Variants in ME3 observed in about 807,000 individuals in gnomAD.
ME3 encodes malic enzyme 3.
A neutral mutation model predicts 68.9 loss-of-function variants in ME3; 48 were observed. The ratio of observed to expected loss-of-function variants is 0.70; its 90% CI spans 0.55 to 0.89. The LOEUF is 0.89. Ranked by LOEUF, ME3 falls within the 40% of genes least tolerant of loss-of-function variation. ME3 has a pLI of 0.00. For missense variants in ME3, 675 were observed against 797.4 expected (o/e 0.85, Z 1.85); for synonymous variants, 320 against 318.8 (o/e 1.00, Z -0.04).
At chr11:86,582,739 C>T (rs978597880) in intron 2 of ME3, among the ~76,000 whole-genome samples, 2 of 151,966 alleles carry the variant, frequency 1.3e-5, no homozygotes, top group Admixed American at 1.3e-4. Flanking sequence ...TGGTCCGACA[C>T]TGTTGTAGTG....
chr11:86,603,951 G>C (rs1219318036), intron 2 of ME3, among the ~76,000 whole-genome samples: 9 of 105,194 alleles, frequency 8.6e-5, no homozygotes, highest in Non-Finnish European at 1.1e-4. Context: ...GTTGTGGGGT[G>C]GGGGGAGGGG....
chr11:86,580,169 G>A (rs1958355030), intron 2 of ME3, among the ~76,000 whole-genome samples: 1 of 152,104 alleles, frequency 6.6e-6, no homozygotes. Context: ...TTGATTTCCG[G>A]AAAGGTCACT....
At chr11:86,646,162 A>T (rs1210942588) in intron 2 of ME3, among the ~76,000 whole-genome samples, 1 of 152,084 alleles carries the variant, frequency 6.6e-6, no homozygotes, top group Admixed American at 6.5e-5. Context: ...AAAGATCACA[A>T]CTCTTTGCCA....
At position 86,490,389 on chromosome 11, in the gene ME3, G is replaced by A. The variant is rs142882485; in HGVS notation, c.706-2949C>T. 8.7e-3 allele frequency among the ~76,000 whole-genome samples: 1,323 copies of A among 152,170 alleles called. 13 individuals are homozygous for A. The highest frequency in any genetic ancestry group is 0.02 in the South Asian group (95 of 4,816). ...GTGTGCGTGTGTGTGTCAGTAGGGG[G>A]GACCTAAAGGGTGAAAGTGGTGCAT... On this transcript the variant is annotated intron_variant, in intron 6 of 14. Coordinates refer to ENST00000543262, the Ensembl canonical transcript of ME3.
intron 2 of ME3, among the ~76,000 whole-genome samples, chr11:86,598,894 T>G (rs1267027392): frequency 6.6e-6 from 1 of 152,166 alleles, no homozygotes; most frequent in Non-Finnish European, 1.5e-5. Flanking sequence ...GAGGGTCCTG[T>G]CTGTTAGAAG....
chr11:86,538,625 T>C (rs525764), intron 4 of ME3, among the ~76,000 whole-genome samples: 12,364 of 152,192 alleles, frequency 0.081, 657 homozygotes, highest in East Asian at 0.27. Flanking sequence ...TGGATTTCCA[T>C]CTCTCATTTC....
At position 86,661,562 on chromosome 11, in the gene ME3, A is replaced by G. The variant is rs147874238; in HGVS notation, c.183+10200T>C. Among the ~76,000 whole-genome samples, 1,337 of 152,344 alleles carry G rather than the reference A, an allele frequency of 8.8e-3. 27 individuals carry two copies. Among genetic ancestry groups the G allele is most frequent in the African/African-American group, 0.03 (1,250 of 41,576 alleles). ...GCACATAGAGCTACAAAAGCAATGG[A>G]TGACTATACTCAGAGACAATGCCAT... On this transcript the variant is annotated intron_variant, in intron 2 of 14. Coordinates refer to ENST00000543262, the Ensembl canonical transcript of ME3.
At chr11:86,476,876 G>T (rs1565832241) in intron 7 of ME3, among the ~76,000 whole-genome samples, 1 of 152,202 alleles carries the variant, frequency 6.6e-6, no homozygotes, top group Non-Finnish European at 1.5e-5. Context: ...GAGAGGAAAA[G>T]TAATATTGGA....
chr11:86,637,329 A>C (rs1944394371), intron 2 of ME3, among the ~76,000 whole-genome samples: 1 of 145,364 alleles, frequency 6.9e-6, no homozygotes, highest in Non-Finnish European at 1.5e-5. Flanking sequence ...ATACGTAAAC[A>C]ACAACAACAA....
At chr11:86,603,024 G>C (rs1030881540) in intron 2 of ME3, among the ~76,000 whole-genome samples, 1 of 152,118 alleles carries the variant, frequency 6.6e-6, no homozygotes, top group African/African-American at 2.4e-5. Context: ...CATTACTTCA[G>C]GACATAGGCA....
At chr11:86,618,299 C>CAAAAAAAAAAAAAAAAAAAA (rs55824426) in intron 2 of ME3, among the ~76,000 whole-genome samples, 2 of 55,934 alleles carry the variant, frequency 3.6e-5, no homozygotes, top group Non-Finnish European at 3.1e-5. Context: ...GGCTCTGTCT[C>CAAAAAAAAAAAAAAAAAAAA]AAAAAAAAAA....
rs141431788 is a variant in ME3 at position 86,593,547 on chromosome 11, C to T, written c.184-33724G>A. ...GATCACAAGCCCGACCTCCATCTCCCTAAGTTCAATAGGAATTTTCTGATA... is the reference window on the plus strand; with the variant it reads ...GATCACAAGCCCGACCTCCATCTCCTTAAGTTCAATAGGAATTTTCTGATA... On this transcript the variant is annotated intron_variant, in intron 2 of 14. Coordinates refer to ENST00000543262, the Ensembl canonical transcript of ME3. Among the ~76,000 whole-genome samples the T allele has an allele frequency of 8.5e-4, 125 of 146,592 alleles. 10 individuals are homozygous for T. Among genetic ancestry groups the T allele is most frequent in the African/African-American group, 2.9e-3 (115 of 39,900 alleles).
intron 8 of ME3, among the ~76,000 whole-genome samples, chr11:86,461,390 T>G (rs1398110658): frequency 6.6e-6 from 1 of 152,182 alleles, no homozygotes; most frequent in Non-Finnish European, 1.5e-5. Flanking sequence ...AAGTTCTGTG[T>G]GCATGCAAAA....
intron 4 of ME3, among the ~76,000 whole-genome samples, chr11:86,533,927 C>A (rs115809611): frequency 6.6e-6 from 1 of 152,082 alleles, no homozygotes; most frequent in Non-Finnish European, 1.5e-5. Context: ...ACCTAGGCTA[C>A]GTGGCATAGC....
chr11:86,531,603 T>A (rs1955237306), intron 4 of ME3, among the ~76,000 whole-genome samples: 1 of 152,178 alleles, frequency 6.6e-6, no homozygotes, highest in African/African-American at 2.4e-5. Context: ...CCAACCCAAA[T>A]GTCCAACAAT....
chr11:86,536,692 T>C (rs1352919726), intron 4 of ME3, among the ~76,000 whole-genome samples: 1 of 147,818 alleles, frequency 6.8e-6, no homozygotes, highest in Non-Finnish European at 1.5e-5. Flanking sequence ...TTGGTGGGAC[T>C]GTAAACTAGT....
chr11:86,644,581 G>A lies in ME3; in HGVS notation c.183+27181C>T, dbSNP rs566846272. On this transcript the variant is annotated intron_variant, in intron 2 of 14. Coordinates refer to ENST00000543262, the Ensembl canonical transcript of ME3. ...GCTATTTGTGGTCTCCAGACTCTAC[G>A]TGATATAAGCTGTTCCCTCTGCCCC... 2.4e-4 allele frequency among the ~76,000 whole-genome samples: 36 copies of A among 152,274 alleles called. No homozygotes were observed. In the East Asian group the frequency reaches 5.0e-3, roughly 21 times the overall value.
rs1565953775 is a variant in ME3 at position 86,560,740 on chromosome 11, GTGTGTGTGTATATATATA to G, written c.184-935_184-918del. Among the ~76,000 whole-genome samples the G allele has an allele frequency of 7.1e-4, 38 of 53,846 alleles. 2 individuals are homozygous for G. Among genetic ancestry groups the G allele is most frequent in the African/African-American group, 2.3e-3 (38 of 16,604 alleles). 35.3% of individuals were successfully genotyped at this position (53,846 alleles called of 152,430 possible). A position where few individuals can be genotyped will look rare whatever the true frequency, so the allele number is the denominator to read the frequency against. On this transcript the variant is annotated intron_variant, in intron 2 of 14. Transcript: ENST00000543262. ...TGTGTGTGTGTATGTGTGTGTGTGT[GTGTGTGTGTATATATATA>G]TATATATATATATATTTCCAGGACC... is the stretch of plus-strand genomic sequence containing the variant.
intron 7 of ME3, among the ~76,000 whole-genome samples, chr11:86,467,628 T>C (rs1257795117): frequency 6.6e-6 from 1 of 150,834 alleles, no homozygotes; most frequent in Non-Finnish European, 1.5e-5. Flanking sequence ...GATGAACGTT[T>C]TCTGTCTCTC....
Sources: gnomAD v4.1 joint callset for allele counts (sites outside exome capture counted in the v4.1 genomes callset) on GRCh38, gnomAD v4.1.1 for gene constraint, MANE v1.5 for transcripts, NCBI Gene and HGNC (gene_info 2026-07-23, HGNC 2026-07-21) for gene names.